The following CNTN1 variants were observed in gnomAD, a reference collection of about 807,000 sequenced individuals.
The protein encoded by CNTN1 is contactin 1, also known as contactin-1.
Under a neutral mutation model 126.4 loss-of-function variants are expected in CNTN1, and 38 were observed. The observed-to-expected ratio is 0.30, with a 90% CI of 0.23 to 0.39. CNTN1 has a LOEUF of 0.39. Among genes scored for constraint, CNTN1 ranks in the 10% least tolerant of loss-of-function variants. The probability of loss-of-function intolerance (pLI) is 1.00; values close to 1 mark genes in which losing one functional copy is unlikely to be tolerated. For missense variants in CNTN1, 1,009 were observed against 1,248.4 expected, an observed-to-expected ratio of 0.81 and a Z score of 2.89; for synonymous variants, 413 against 422.6, an observed-to-expected ratio of 0.98 and a Z score of 0.28.
chr12:40,817,775 T>C (rs1199267659), intron 1 of CNTN1, among the ~76,000 whole-genome samples: 1 of 152,104 alleles, frequency 6.6e-6, no homozygotes, highest in African/African-American at 2.4e-5. Context: ...GGTCTTTATG[T>C]TTTGGTGTGT....
At chr12:40,878,441 G>C (rs984870906) in intron 1 of CNTN1, among the ~76,000 whole-genome samples, 4 of 150,758 alleles carry the variant, frequency 2.7e-5, no homozygotes, top group African/African-American at 9.7e-5. Context: ...CATATAGAAA[G>C]CAAGTCAATT....
intron 23 of CNTN1, among the ~76,000 whole-genome samples, chr12:41,062,802 A>G (rs754686984): frequency 3.9e-5 from 6 of 152,162 alleles, no homozygotes; most frequent in Admixed American, 1.3e-4. Context: ...TCTTCTTTTA[A>G]TGTTTGTTTT....
At chr12:40,896,683 A>G (rs1327572977) in intron 1 of CNTN1, among the ~76,000 whole-genome samples, 1 of 152,210 alleles carries the variant, frequency 6.6e-6, no homozygotes, top group Admixed American at 6.5e-5. Flanking sequence ...CAACCTTTTA[A>G]GTTGTCCTCA....
intron 1 of CNTN1, among the ~76,000 whole-genome samples, chr12:40,732,955 T>TA (rs1226564643): frequency 6.6e-6 from 1 of 152,034 alleles, no homozygotes; most frequent in African/African-American, 2.4e-5. Flanking sequence ...CTGCAAAAGT[T>TA]ACAACTGCCT....
chr12:40,703,508 G>A (rs958817061), intron 1 of CNTN1, among the ~76,000 whole-genome samples: 27 of 152,148 alleles, frequency 1.8e-4, no homozygotes, highest in Non-Finnish European at 2.8e-4. Context: ...TTCATTTTCC[G>A]AAGTCATGAA....
chr12:41,003,109 G>A (rs1948406210), intron 17 of CNTN1, among the ~76,000 whole-genome samples: 1 of 152,076 alleles, frequency 6.6e-6, no homozygotes, highest in African/African-American at 2.4e-5. Context: ...TTATTTTGAG[G>A]TATGTTCCTT....
chr12:40,833,572 TA>T (rs34552699), intron 1 of CNTN1, among the ~76,000 whole-genome samples: 38,113 of 151,416 alleles, frequency 0.25, 5,118 homozygotes, highest in African/African-American at 0.35. Flanking sequence ...TCTTTTTTCT[TA>T]AAAAAAAAAA....
At chr12:40,721,243 CAT>C (rs1942201925) in intron 1 of CNTN1, among the ~76,000 whole-genome samples, 1 of 152,072 alleles carries the variant, frequency 6.6e-6, no homozygotes, top group South Asian at 2.1e-4. Flanking sequence ...ATAGCAATCT[CAT>C]GTGCCAGTTT....
In CNTN1 at chr12:40,804,573, A is replaced by G. The variant is rs146168367; in HGVS notation, c.-76-103784A>G. Among the ~76,000 whole-genome samples the G allele has an allele frequency of 2.1e-4, 32 of 152,092 alleles. 1 individual carries two copies. The highest frequency in any genetic ancestry group is 7.7e-4 in the African/African-American group (32 of 41,534). ...CCTCTGTTAATAACAGGATGGGTTG[A>G]TGGATAGAGGGGAGGGTAAGATTTA... On this transcript the variant is annotated intron_variant, in intron 1 of 23. Coordinates refer to ENST00000551295, the MANE Select transcript of CNTN1 (RefSeq NM_001843.4).
chr12:40,767,443 GGACTACAGGCGTGCACCACCTCGCCCA>G (rs1939150178), intron 1 of CNTN1, among the ~76,000 whole-genome samples: 1 of 147,806 alleles, frequency 6.8e-6, no homozygotes, highest in Non-Finnish European at 1.5e-5. Flanking sequence ...CGAGTAGCTG[GGACTACAGGCGTGCACCACCTCGCCCA>G]GCTAATTTTC....
intron 1 of CNTN1, among the ~76,000 whole-genome samples, chr12:40,844,656 C>A (rs1387937848): frequency 6.6e-6 from 1 of 152,108 alleles, no homozygotes; most frequent in Non-Finnish European, 1.5e-5. Context: ...TTGTGACTAA[C>A]CCTTTAGTTT....
intron 1 of CNTN1, chr12:40,828,329 A>G (rs1941687166): frequency 1.3e-5 from 2 of 152,142 alleles, no homozygotes. Context: ...TTTATAGGTT[A>G]GGTAATTGTA....
chr12:40,943,834 C>G, intron 13 of CNTN1, 110 bp downstream of exon 13: 2 of 1,448,306 alleles, frequency 1.4e-6, no homozygotes, highest in Non-Finnish European at 1.9e-6. Context: ...AAAAGAATTT[C>G]AGGCAAGTTT....
At chr12:40,754,854 T>C (rs1176683220) in intron 1 of CNTN1, among the ~76,000 whole-genome samples, 2 of 151,926 alleles carry the variant, frequency 1.3e-5, no homozygotes, top group Non-Finnish European at 2.9e-5. Flanking sequence ...ATTTTCAATA[T>C]CGTTGTTGCT....
chr12:40,931,607 T>G (rs1945887065), intron 7 of CNTN1, among the ~76,000 whole-genome samples: 1 of 151,978 alleles, frequency 6.6e-6, no homozygotes. Flanking sequence ...AAACCTTCCT[T>G]TTATTTAGCT....
intron 23 of CNTN1, among the ~76,000 whole-genome samples, chr12:41,045,531 A>T (rs1190734114): frequency 6.6e-6 from 1 of 152,174 alleles, no homozygotes; most frequent in African/African-American, 2.4e-5. Flanking sequence ...GAAGCCTTTA[A>T]TGCCATAGTA....
chr12:41,033,882 CAAAAAAAA>C (rs34710701), intron 23 of CNTN1, among the ~76,000 whole-genome samples: 5 of 103,224 alleles, frequency 4.8e-5, no homozygotes, highest in Non-Finnish European at 8.5e-5. Context: ...ACTAAAAATA[CAAAAAAAA>C]AAAAAAAAAA....
chr12:40,967,789 G>T (rs7311097), intron 15 of CNTN1, among the ~76,000 whole-genome samples: 106,172 of 151,882 alleles, frequency 0.7, 37,587 homozygotes, highest in African/African-American at 0.81. Context: ...TAATTGTGAT[G>T]TATGTTGGTA....
chr12:40,779,426 G>T (rs1320288195), intron 1 of CNTN1, among the ~76,000 whole-genome samples: 1 of 151,718 alleles, frequency 6.6e-6, no homozygotes, highest in African/African-American at 2.4e-5. Context: ...TAGTTGTCTG[G>T]TATCATTTGG....
Sources: allele counts gnomAD v4.1 joint callset (sites outside exome capture counted in the v4.1 genomes callset), GRCh38; gene constraint gnomAD v4.1.1; transcripts MANE v1.5; gene names NCBI Gene and HGNC (gene_info 2026-07-23, HGNC 2026-07-21).